The following AGGF1 variants were observed in gnomAD, a reference collection of about 807,000 sequenced individuals.
AGGF1 encodes angiogenic factor with G patch and FHA domains 1.
In AGGF1, 56 loss-of-function variants were observed where a neutral mutation model predicts 86.5. The ratio of observed to expected loss-of-function variants is 0.65; its 90% CI spans 0.52 to 0.81. The LOEUF (loss-of-function observed/expected upper bound fraction) is 0.81, where lower values mean the gene tolerates loss of function less well. Among genes scored for constraint, AGGF1 ranks in the 30% least tolerant of loss-of-function variants. The pLI is 0.00. For missense variants in AGGF1, 816 were observed against 850.9 expected, an observed-to-expected ratio of 0.96 and a Z score of 0.51; for synonymous variants, 313 against 297.1, an observed-to-expected ratio of 1.05 and a Z score of -0.55.
intron 12 of AGGF1, among the ~76,000 whole-genome samples, chr5:77,060,588 A>G (rs984261480): frequency 2.0e-5 from 3 of 152,190 alleles, no homozygotes; most frequent in African/African-American, 7.2e-5. Context: ...CAGAATATAA[A>G]TTTTGAGTTT....
intron 5 of AGGF1, among the ~76,000 whole-genome samples, chr5:77,045,064 C>CAAAAA (rs11355114): frequency 1.2e-5 from 1 of 86,576 alleles, no homozygotes; most frequent in Non-Finnish European, 2.5e-5. Flanking sequence ...GACTCCGTCT[C>CAAAAA]AAAAAAAAAA....
Position 77,063,507 on chromosome 5 carries a change from T to G in AGGF1, c.*255T>G. 2.2e-6 allele frequency: 1 copy of G among 461,714 alleles called. No homozygotes were observed. The highest frequency in any genetic ancestry group is 4.3e-5 in the East Asian group (1 of 23,504). The allele number at this position is 461,714 out of a possible 1,614,324, so 28.6% of individuals were successfully genotyped here. ...GAGTTTATCAAACTTCGTTATTTTA[T>G]CTTGTCATTTACAACATCCATATAA... On this transcript the variant is annotated 3_prime_UTR_variant, in exon 14 of 14. Coordinates refer to ENST00000312916, the MANE Select transcript of AGGF1 (RefSeq NM_018046.5).
intron 5 of AGGF1, among the ~76,000 whole-genome samples, chr5:77,044,122 C>T (rs899459514): frequency 1.0e-4 from 15 of 144,462 alleles, no homozygotes; most frequent in Non-Finnish European, 1.5e-4. Context: ...AGGGGCTCCT[C>T]ACATCCCAGA....
chr5:77,054,790 G>A (rs1747432195), intron 10 of AGGF1, among the ~76,000 whole-genome samples: 2 of 152,058 alleles, frequency 1.3e-5, no homozygotes, highest in Non-Finnish European at 2.9e-5. Flanking sequence ...GGTATGTATT[G>A]ATGTAAAAAA....
chr5:77,050,986 C>G (rs1163953055), intron 8 of AGGF1, among the ~76,000 whole-genome samples: 4 of 151,986 alleles, frequency 2.6e-5, no homozygotes, highest in African/African-American at 9.7e-5. Flanking sequence ...TATTAAATAT[C>G]ACTCCTTTTG....
At chr5:77,048,299 T>C (rs1371446674) in intron 7 of AGGF1, 27 bp downstream of exon 7, 2 of 1,483,068 alleles carry the variant, frequency 1.3e-6, no homozygotes, top group Admixed American at 3.5e-5. Flanking sequence ...TATTATATCA[T>C]TCTTTCAGTT....
intron 2 of AGGF1, among the ~76,000 whole-genome samples, chr5:77,034,795 C>G (rs1304318578): frequency 6.6e-6 from 1 of 152,208 alleles, no homozygotes; most frequent in East Asian, 1.9e-4. Context: ...AGTTAGCCAT[C>G]TACTTCCATA....
intron 1 of AGGF1, among the ~76,000 whole-genome samples, chr5:77,033,549 T>C (rs1746910382): frequency 1.3e-5 from 2 of 152,220 alleles, no homozygotes; most frequent in Admixed American, 1.3e-4. Flanking sequence ...ATGAACTCTG[T>C]ACTTGCATGA....
intron 5 of AGGF1, among the ~76,000 whole-genome samples, chr5:77,040,999 A>G (rs1354996201): frequency 6.6e-6 from 1 of 152,192 alleles, no homozygotes; most frequent in East Asian, 1.9e-4. Context: ...AAGTGCTGGG[A>G]TTATAGGCGT....
chr5:77,059,819 C>A (rs1747523032), intron 12 of AGGF1, 76 bp downstream of exon 12: 2 of 1,546,122 alleles, frequency 1.3e-6, no homozygotes, highest in Non-Finnish European at 8.9e-7. Context: ...ATGTTCAGGG[C>A]TATATATCCT....
rs755785902 is a variant in AGGF1, at chr5:77,034,518, C to T, written c.311C>T (p.Ser104Leu). The T allele has an allele frequency of 1.2e-6, 2 of 1,600,698 alleles. No homozygotes were observed. The highest frequency in any genetic ancestry group is 1.7e-5 in the Admixed American group (1 of 60,004). Residue 104 changes from serine to leucine, a missense_variant and splice_region_variant, in exon 2 of 14, where the codon TCA (serine) becomes TTA (leucine). Physicochemically the swap from Ser to Leu is moderately radical, Grantham distance 145 (BLOSUM62 -2). This residue lies in a region of AGGF1 where 240 missense variants were observed against 234.4 expected (regional missense o/e 1.02). Coordinates refer to ENST00000312916, the MANE Select transcript of AGGF1 (RefSeq NM_018046.5). ...GAGAACCATGCTCCTTGGTCAATCT[C>T]AGGTATTTAGCTTATAGTGAGGATA... ...QTENHAPWSI[S>L]DYFYQTYYND...
At position 77,048,376 on chromosome 5, in the gene AGGF1, G is replaced by T. The variant is rs574380327; in HGVS notation, c.1313+104G>T. 4.4e-5 allele frequency: 43 copies of T among 981,148 alleles called. 2 individuals are homozygous for T. The South Asian group carries it at 6.4e-4, about 15-fold the overall frequency. 60.8% of individuals were successfully genotyped at this position (981,148 alleles called of 1,614,324 possible). A position where few individuals can be genotyped will look rare whatever the true frequency, so the allele number is the denominator to read the frequency against. ...TTGTTTGTTTTTTGTTTTTGAGACA[G>T]AGTTGTGCTCTGTTGTCCAGGCTGG... On this transcript the variant is annotated intron_variant, in intron 7 of 13. Coordinates refer to ENST00000312916, the MANE Select transcript of AGGF1 (RefSeq NM_018046.5).
intron 11 of AGGF1, 95 bp downstream of exon 11, chr5:77,055,691 T>A: frequency 1.2e-6 from 1 of 818,660 alleles, no homozygotes; most frequent in Non-Finnish European, 2.0e-6. Context: ...TATATATAAA[T>A]AGTTGTGTAG....
chr5:77,054,162 A>G, intron 10 of AGGF1, 32 bp downstream of exon 10: 2 of 1,612,890 alleles, frequency 1.2e-6, no homozygotes, highest in Middle Eastern at 1.7e-4. Flanking sequence ...TGGCTGTGAT[A>G]ACATTTCTCT....
At chr5:77,049,601 G>A (rs1747332985) in intron 8 of AGGF1, among the ~76,000 whole-genome samples, 1 of 146,726 alleles carries the variant, frequency 6.8e-6, no homozygotes, top group Non-Finnish European at 1.5e-5. Flanking sequence ...CCAGGCTGGA[G>A]TACAGTGATG....
In AGGF1 at chr5:77,030,733, C is replaced by A; in HGVS notation, c.-34C>A. Reference sequence around the variant, plus strand: ...GTCCGTTTCGGCCTGAACGCAGCCCCTCCGCGGCGACGAGCAGTCTCGCGC... The same window carrying A: ...GTCCGTTTCGGCCTGAACGCAGCCCATCCGCGGCGACGAGCAGTCTCGCGC... On this transcript the variant is annotated 5_prime_UTR_variant, in exon 1 of 14. Coordinates refer to ENST00000312916, the MANE Select transcript of AGGF1 (RefSeq NM_018046.5). 6.5e-7 allele frequency: 1 copy of A among 1,548,016 alleles called. No homozygotes were observed. The highest frequency in any genetic ancestry group is 2.4e-5 in the East Asian group (1 of 42,216).
intron 10 of AGGF1, among the ~76,000 whole-genome samples, chr5:77,055,279 A>T (rs988135278): frequency 6.6e-6 from 1 of 152,150 alleles, no homozygotes; most frequent in East Asian, 1.9e-4. Context: ...TCATTTTGGT[A>T]GCTATAAGAT....
At chr5:77,052,901 G>C in intron 9 of AGGF1, 94 bp downstream of exon 9, 1 of 1,097,516 alleles carries the variant, frequency 9.1e-7, no homozygotes, top group Non-Finnish European at 1.4e-6. Flanking sequence ...ATTTGGTTCA[G>C]AGTAGAGTTA....
rs756654452 is a variant in AGGF1, at chr5:77,036,637, G to A, written c.598G>A (p.Ala200Thr). ...TGAAAGTTTGAGAGCTGCAGCAGAA[G>A]CGGCTGTATCACAGACTGGATTTAG... ...LAESLRAAAE[A>T]AVSQTGFSYD... Residue 200 changes from alanine to threonine, a missense_variant, in exon 4 of 14, where the codon GCG becomes ACG. Coordinates refer to ENST00000312916, the MANE Select transcript of AGGF1 (RefSeq NM_018046.5). 4 of 1,613,922 alleles carry A rather than the reference G, an allele frequency of 2.5e-6. No homozygotes were observed. The South Asian group carries it at 4.4e-5, about 18-fold the overall frequency.
Sources: gnomAD v4.1 joint callset for allele counts (sites outside exome capture counted in the v4.1 genomes callset) on GRCh38, gnomAD v4.1.1 for gene constraint, gnomAD v4.1.1 regional missense constraint, MANE v1.5 for transcripts, NCBI Gene and HGNC (gene_info 2026-07-23, HGNC 2026-07-21) for gene names.